Variants in FAM13B observed in about 807,000 individuals in gnomAD.
FAM13B encodes the protein protein FAM13B.
FAM13B carries 60 observed loss-of-function variants against 117.3 expected under a neutral mutation model. That is an observed-to-expected ratio of 0.51 (90% CI 0.42 to 0.63). The LOEUF is 0.63. FAM13B is among the 30% of genes least tolerant of loss of function. The pLI is 0.00. For missense variants in FAM13B, 972 were observed against 1,091.9 expected, an observed-to-expected ratio of 0.89 and a Z score of 1.55; for synonymous variants, 332 against 356.1, an observed-to-expected ratio of 0.93 and a Z score of 0.76.
intron 1 of FAM13B, among the ~76,000 whole-genome samples, chr5:138,042,158 T>G (rs923112025): frequency 6.6e-6 from 1 of 152,172 alleles, no homozygotes; most frequent in African/African-American, 2.4e-5. Flanking sequence ...GTATGGTATC[T>G]TCATACCATG....
At chr5:138,024,097 CAT>C (rs1038754017) in intron 1 of FAM13B, among the ~76,000 whole-genome samples, 4 of 152,084 alleles carry the variant, frequency 2.6e-5, no homozygotes, top group African/African-American at 9.7e-5. Flanking sequence ...GCTTAAATCA[CAT>C]AAATATTCCC....
At chr5:137,996,311 T>C (rs1209771388) in intron 7 of FAM13B, among the ~76,000 whole-genome samples, 1 of 151,914 alleles carries the variant, frequency 6.6e-6, no homozygotes, top group Non-Finnish European at 1.5e-5. Flanking sequence ...AATTTTTTTT[T>C]TGTATTTTTA....
chr5:137,971,263 C>A (rs1772052379), intron 10 of FAM13B, among the ~76,000 whole-genome samples: 2 of 151,354 alleles, frequency 1.3e-5, no homozygotes, highest in South Asian at 4.2e-4. Context: ...CAAACTATCT[C>A]TCAGACCACA....
At position 137,970,167 on chromosome 5, in the gene FAM13B, C is replaced by A. The variant is rs11948166; in HGVS notation, c.1180-7698G>T. Among the ~76,000 whole-genome samples the A allele has an allele frequency of 7.0e-3, 1,069 of 151,708 alleles. 24 individuals are homozygous for A. The highest frequency in any genetic ancestry group is 0.025 in the African/African-American group (1,029 of 41,332). On this transcript the variant is annotated intron_variant, in intron 10 of 23. Coordinates refer to ENST00000689681, the MANE Select transcript of FAM13B (RefSeq NM_001385994.1). ...CCAAGACACATAATTGTCAGATTCACCAAAGTTGAAACGAAGGAAAAAATG... is the reference window on the plus strand; with the variant it reads ...CCAAGACACATAATTGTCAGATTCAACAAAGTTGAAACGAAGGAAAAAATG...
intron 1 of FAM13B, among the ~76,000 whole-genome samples, chr5:138,026,769 A>G (rs1046939750): frequency 6.6e-6 from 1 of 151,326 alleles, no homozygotes; most frequent in Non-Finnish European, 1.5e-5. Context: ...GTAAAACCCT[A>G]TCTCTACTAA....
At chr5:137,988,922 C>T (rs1777922322) in intron 7 of FAM13B, among the ~76,000 whole-genome samples, 1 of 152,178 alleles carries the variant, frequency 6.6e-6, no homozygotes, top group African/African-American at 2.4e-5. Flanking sequence ...CTCTGGTGCT[C>T]AGGTGGAGAA....
At position 138,050,276 on chromosome 5, in the gene FAM13B, A is replaced by G. The variant is rs1421169267; in HGVS notation, c.-203+1602T>C. 2.0e-5 allele frequency among the ~76,000 whole-genome samples: 3 copies of G among 152,026 alleles called. No homozygotes were observed. The East Asian group carries it at 5.8e-4, about 29-fold the overall frequency. Reference sequence around the variant, plus strand: ...AACATGGAGAAACCCTGTCCCTACTAAAAATAAAAAATTGGCCAGGCGTGG... The same window carrying G: ...AACATGGAGAAACCCTGTCCCTACTGAAAATAAAAAATTGGCCAGGCGTGG... On this transcript the variant is annotated intron_variant, in intron 1 of 3. Coordinates refer to the FAM13B transcript ENST00000502471.
chr5:137,999,888 C>T (rs1283567591), intron 7 of FAM13B, among the ~76,000 whole-genome samples: 1 of 152,062 alleles, frequency 6.6e-6, no homozygotes, highest in African/African-American at 2.4e-5. Flanking sequence ...GACCCCACCC[C>T]CATGGCCTAA....
intron 10 of FAM13B, among the ~76,000 whole-genome samples, chr5:137,972,895 T>C (rs2150412488): frequency 6.6e-6 from 1 of 151,614 alleles, no homozygotes; most frequent in South Asian, 2.1e-4. Context: ...GGAATCCAAC[T>C]TACAAGGGAT....
Position 137,943,101 on chromosome 5 carries a change from G to A in FAM13B, c.2424+32C>T, listed in dbSNP as rs753386338. The A allele has an allele frequency of 3.5e-5, 56 of 1,612,664 alleles. No individual in the cohort carries two copies. The South Asian group carries it at 6.0e-4, about 17-fold the overall frequency. On this transcript the variant is annotated intron_variant, in intron 21 of 23. Coordinates refer to ENST00000689681, the MANE Select transcript of FAM13B (RefSeq NM_001385994.1). ...GTCTTTGAACTCTTCCCTTAGGGAAGGGATCAGATAATTATTTCTTTAAAG... is the reference window on the plus strand; with the variant it reads ...GTCTTTGAACTCTTCCCTTAGGGAAAGGATCAGATAATTATTTCTTTAAAG...
intron 2 of FAM13B, chr5:138,020,086 G>T: frequency 1.2e-6 from 1 of 829,954 alleles, no homozygotes; most frequent in Non-Finnish European, 1.5e-6. Context: ...TTGAGACAGA[G>T]TTTCGCTCTT....
At chr5:137,969,380 C>A (rs1293470103) in intron 10 of FAM13B, among the ~76,000 whole-genome samples, 4 of 152,156 alleles carry the variant, frequency 2.6e-5, no homozygotes, top group Non-Finnish European at 4.4e-5. Context: ...GGTGCTCCAA[C>A]AGACCTGCAG....
chr5:138,040,888 A>G (rs1581329586), intron 1 of FAM13B, among the ~76,000 whole-genome samples: 1 of 151,826 alleles, frequency 6.6e-6, no homozygotes, highest in South Asian at 2.1e-4. Flanking sequence ...ACATGGCAAA[A>G]CCCTGCCTCT....
At chr5:137,954,446 T>C in intron 14 of FAM13B, 70 bp from the exon 15 acceptor site, 2 of 1,197,108 alleles carry the variant, frequency 1.7e-6, no homozygotes, top group East Asian at 2.4e-5. Context: ...TCACAAAATA[T>C]CAGCTATGTG....
intron 1 of FAM13B, among the ~76,000 whole-genome samples, chr5:138,029,476 A>C (rs1303187055): frequency 1.3e-5 from 2 of 152,222 alleles, no homozygotes; most frequent in African/African-American, 4.8e-5. Context: ...TCAATAGAAA[A>C]AGAGAATATT....
chr5:138,042,427 T>C (rs958273303), intron 1 of FAM13B, among the ~76,000 whole-genome samples: 1 of 152,182 alleles, frequency 6.6e-6, no homozygotes, highest in Non-Finnish European at 1.5e-5. Flanking sequence ...GTTGCACATA[T>C]ATGTTCACCT....
In FAM13B at chr5:137,952,743, G is replaced by A. The variant is rs1265620989; in HGVS notation, c.1849-34C>T. 3.1e-6 allele frequency: 4 copies of A among 1,272,840 alleles called. No homozygotes were observed. The Admixed American group carries it at 7.6e-5, about 24-fold the overall frequency. The allele number at this position is 1,272,840 out of a possible 1,614,324, so 78.8% of individuals were successfully genotyped here. A position where few individuals can be genotyped will look rare whatever the true frequency, so the allele number is the denominator to read the frequency against. ...TTATGGAGCAGAATCACTGACACTT[G>A]TGATAAGCAATAGTTACATTAATTT... On this transcript the variant is annotated intron_variant, in intron 16 of 23. Coordinates refer to ENST00000689681, the MANE Select transcript of FAM13B (RefSeq NM_001385994.1).
chr5:138,032,452 T>A (rs1424172448), intron 1 of FAM13B, among the ~76,000 whole-genome samples: 1 of 151,414 alleles, frequency 6.6e-6, no homozygotes, highest in East Asian at 1.9e-4. Context: ...GCAGGAGAGG[T>A]CAGCAAAGAA....
chr5:137,952,688 C>A lies in FAM13B; in HGVS notation c.1870G>T (p.Ala624Ser). The A allele has an allele frequency of 1.2e-6, 2 of 1,605,018 alleles. No individual in the cohort carries two copies. The highest frequency in any genetic ancestry group is 8.5e-7 in the Non-Finnish European group (1 of 1,175,310). The change falls in exon 17 of 24, where the codon GCC becomes TCC. Residue 624 changes from alanine to serine, a missense_variant. By Grantham distance (99) the Ala-to-Ser change is moderately conservative (BLOSUM62 1). Coordinates refer to ENST00000689681, the MANE Select transcript of FAM13B (RefSeq NM_001385994.1). ...ATCCATTTTAATACCTTTGGATTGG[C>A]AGCAATATCACTGTAGGAGGGCTGA... is the stretch of plus-strand genomic sequence containing the variant. The part of the protein sequence containing the change: ...NSKPSYSDIA[A>S]NPKVLKWMTE...
Sources: gnomAD v4.1 joint callset for allele counts (sites outside exome capture counted in the v4.1 genomes callset) on GRCh38, gnomAD v4.1.1 for gene constraint, MANE v1.5 for transcripts, NCBI Gene and HGNC (gene_info 2026-07-23, HGNC 2026-07-21) for gene names.